The following IGSF21 variants were observed in gnomAD, a reference collection of about 807,000 sequenced individuals.
IGSF21 encodes the protein immunoglobulin superfamily member 21.
In IGSF21, 28 loss-of-function variants were observed where a neutral mutation model predicts 46.8. That is an observed-to-expected ratio of 0.60 (90% CI 0.44 to 0.82). The LOEUF is 0.82. Among genes scored for constraint, IGSF21 ranks in the 40% least tolerant of loss-of-function variants. IGSF21 has a pLI of 0.00. For missense variants in IGSF21, 624 were observed against 665.5 expected (o/e 0.94, Z 0.69); for synonymous variants, 284 against 273.6 (o/e 1.04, Z -0.38).
At chr1:18,321,946 CCT>C (rs1489111560) in intron 3 of IGSF21, among the ~76,000 whole-genome samples, 1 of 152,166 alleles carries the variant, frequency 6.6e-6, no homozygotes, top group Non-Finnish European at 1.5e-5. Flanking sequence ...AATAACAACA[CCT>C]ACTTCATGGG....
At chr1:18,160,089 C>A (rs2086603932) in intron 1 of IGSF21, among the ~76,000 whole-genome samples, 1 of 152,188 alleles carries the variant, frequency 6.6e-6, no homozygotes, top group Non-Finnish European at 1.5e-5. Context: ...AGAAGCATTT[C>A]TGGATCCCCT....
At chr1:18,161,799 G>A (rs530429529) in intron 1 of IGSF21, among the ~76,000 whole-genome samples, 1 of 152,254 alleles carries the variant, frequency 6.6e-6, no homozygotes, top group East Asian at 1.9e-4. Context: ...AAAAGGCAAA[G>A]CGGTGGAGCA....
At chr1:18,273,509 T>TTTCTTTCTTTCTTTCTTTCC (rs1298588613) in intron 2 of IGSF21, among the ~76,000 whole-genome samples, 26 of 105,808 alleles carry the variant, frequency 2.5e-4, no homozygotes, top group African/African-American at 1.1e-3. Context: ...TCTTTCTTTC[T>TTTCTTTCTTTCTTTCTTTCC]TTCTTTCTTT....
chr1:18,243,034 A>G (rs1026737639), intron 2 of IGSF21, among the ~76,000 whole-genome samples: 3 of 152,178 alleles, frequency 2.0e-5, no homozygotes, highest in Non-Finnish European at 4.4e-5. Context: ...GTGAAGGGTC[A>G]GGAAGAGGGG....
intron 2 of IGSF21, among the ~76,000 whole-genome samples, chr1:18,252,544 C>A (rs223177): frequency 0.43 from 65,223 of 152,052 alleles, 14,602 homozygotes; most frequent in South Asian, 0.59. Context: ...GTCTATGTGC[C>A]TGTCTATGAA....
At chr1:18,215,045 C>T (rs1268356617) in intron 1 of IGSF21, among the ~76,000 whole-genome samples, 1 of 152,150 alleles carries the variant, frequency 6.6e-6, no homozygotes, top group African/African-American at 2.4e-5. Context: ...TGGCCAGTAC[C>T]ACACTTTTAA....
At chr1:18,346,050 A>G (rs774956927) in intron 4 of IGSF21, among the ~76,000 whole-genome samples, 41 of 152,204 alleles carry the variant, frequency 2.7e-4, no homozygotes, top group Non-Finnish European at 5.1e-4. Flanking sequence ...CATAGCTCAC[A>G]GTGAGTGCTC....
Position 18,308,587 on chromosome 1 carries a change from G to A in IGSF21, c.305+16600G>A, listed in dbSNP as rs566998314. On this transcript the variant is annotated intron_variant, in intron 3 of 9. Transcript: ENST00000251296. The stretch of plus-strand genomic sequence containing the variant: ...CATTTTTATAGATTAAAAAACTGAG[G>A]CCCAGACAGACATGTAATGAGGCAG... Among the ~76,000 whole-genome samples the A allele has an allele frequency of 3.9e-5, 6 of 152,274 alleles. No homozygotes were observed. The South Asian group carries it at 1.2e-3, about 32-fold the overall frequency.
At chr1:18,363,851 T>G (rs1569881369) in intron 5 of IGSF21, among the ~76,000 whole-genome samples, 1 of 146,520 alleles carries the variant, frequency 6.8e-6, no homozygotes, top group African/African-American at 2.6e-5. Flanking sequence ...ACAGGTGGGG[T>G]GGTGGGCAGG....
intron 1 of IGSF21, among the ~76,000 whole-genome samples, chr1:18,190,970 C>A (rs1015084144): frequency 6.6e-6 from 1 of 152,144 alleles, no homozygotes. Flanking sequence ...CTGGGGCTGA[C>A]ACATCGCTGG....
chr1:18,130,170 CA>C (rs1384640905), intron 1 of IGSF21, among the ~76,000 whole-genome samples: 1 of 152,200 alleles, frequency 6.6e-6, no homozygotes, highest in Non-Finnish European at 1.5e-5. Flanking sequence ...CACCACCCCC[CA>C]ACCCCATCCC....
intron 3 of IGSF21, among the ~76,000 whole-genome samples, chr1:18,328,450 G>C (rs746339913): frequency 6.6e-6 from 1 of 152,114 alleles, no homozygotes; most frequent in South Asian, 2.1e-4. Context: ...TGACTTTCAC[G>C]CTGTCTTAAG....
intron 3 of IGSF21, among the ~76,000 whole-genome samples, chr1:18,314,437 T>C (rs2124587636): frequency 6.6e-6 from 1 of 152,324 alleles, no homozygotes; most frequent in Admixed American, 6.5e-5. Flanking sequence ...TAGATAAAGA[T>C]GATTCATGCC....
At chr1:18,228,997 C>T (rs1023139928) in intron 2 of IGSF21, among the ~76,000 whole-genome samples, 2 of 152,112 alleles carry the variant, frequency 1.3e-5, no homozygotes, top group African/African-American at 2.4e-5. Flanking sequence ...GTCATAATTT[C>T]TTCTTCTTTT....
chr1:18,370,886 A>G (rs985151108), intron 6 of IGSF21, among the ~76,000 whole-genome samples: 5 of 152,246 alleles, frequency 3.3e-5, no homozygotes, highest in African/African-American at 1.2e-4. Flanking sequence ...ACCATTTCAC[A>G]TCTATTAGAG....
intron 1 of IGSF21, chr1:18,111,276 G>A (rs1396060392): frequency 6.6e-6 from 1 of 152,118 alleles, no homozygotes; most frequent in African/African-American, 2.4e-5. Flanking sequence ...CCCGCCCCTA[G>A]CCATAAACTC....
At chr1:18,301,292 G>T (rs1312102990) in intron 3 of IGSF21, among the ~76,000 whole-genome samples, 1 of 151,966 alleles carries the variant, frequency 6.6e-6, no homozygotes, top group African/African-American at 2.4e-5. Context: ...GGAGCATGGT[G>T]AGCAGGTCAT....
intron 1 of IGSF21, among the ~76,000 whole-genome samples, chr1:18,173,063 T>C (rs1404868208): frequency 6.6e-6 from 1 of 152,194 alleles, no homozygotes; most frequent in Non-Finnish European, 1.5e-5. Context: ...CCGAAGCAGG[T>C]GGGTCACTAG....
At chr1:18,116,711 T>C (rs2086192882) in intron 1 of IGSF21, among the ~76,000 whole-genome samples, 1 of 152,238 alleles carries the variant, frequency 6.6e-6, no homozygotes, top group Non-Finnish European at 1.5e-5. Context: ...CCCACATTCA[T>C]TGAGAACAAT....
Sources: gnomAD v4.1 joint callset for allele counts (sites outside exome capture counted in the v4.1 genomes callset) on GRCh38, gnomAD v4.1.1 for gene constraint, MANE v1.5 for transcripts, NCBI Gene and HGNC (gene_info 2026-07-23, HGNC 2026-07-21) for gene names.